The following PRAMEF14 variants were observed in gnomAD, a reference collection of about 807,000 sequenced individuals.
The protein encoded by PRAMEF14 is PRAME family member 14.
Under a neutral mutation model 38.3 loss-of-function variants are expected in PRAMEF14, and 24 were observed. The ratio of observed to expected loss-of-function variants is 0.63; its 90% CI spans 0.45 to 0.88. The LOEUF (loss-of-function observed/expected upper bound fraction) is 0.88, where lower values mean the gene tolerates loss of function less well. Among genes scored for constraint, PRAMEF14 ranks in the 40% least tolerant of loss-of-function variants. The pLI is 0.00. For synonymous variants in PRAMEF14, 194 were observed against 226.4 expected, an observed-to-expected ratio of 0.86 and a Z score of 1.29; for missense variants, 477 against 570.8, an observed-to-expected ratio of 0.84 and a Z score of 1.67.
chr1:13,345,306 G>T lies in PRAMEF14; in HGVS notation c.9C>A (p.Ile3=). Residue 3 remains isoleucine, a synonymous_variant, in exon 2 of 4, where the codon ATC becomes ATA. Coordinates refer to ENST00000334600, the MANE Select transcript of PRAMEF14 (RefSeq NM_001024661.2). ...GCTCCAGGAGTCTGGGTGGGGCCTG[G>T]ATGCTCATCCTGATAGATCTGCAAG... MS[I]QAPPRLLELA... is the part of the protein sequence containing the mutation. 6.2e-7 allele frequency: 1 copy of T among 1,606,502 alleles called. No individual in the cohort carries two copies. The highest frequency in any genetic ancestry group is 8.5e-7 in the Non-Finnish European group (1 of 1,178,170).
chr1:13,344,810 T>C (rs1640380247), intron 2 of PRAMEF14, among the ~76,000 whole-genome samples, 194 bp from the exon 3 acceptor site: 2 of 150,536 alleles, frequency 1.3e-5, no homozygotes, highest in Non-Finnish European at 1.5e-5. Context: ...CCCTTTACCT[T>C]CCACTGAGTA....
At chr1:13,346,247 C>T (rs1285126343) in intron 1 of PRAMEF14, among the ~76,000 whole-genome samples, 5 of 151,286 alleles carry the variant, frequency 3.3e-5, no homozygotes, top group African/African-American at 1.2e-4. Flanking sequence ...GTGGCTCACT[C>T]CTGTAATCCC....
chr1:13,344,577 A>G lies in PRAMEF14; in HGVS notation c.327T>C (p.Asp109=), dbSNP rs1266446566. The change falls in exon 3 of 4, where the codon GAT becomes GAC. Residue 109 remains aspartate (D), a synonymous_variant. Transcript: ENST00000334600. ...CAGGCCATCTGGCCCAGAAATTCTC[A>G]TCAACATCCCGCAAATCCAGCACTT... ...KLQVLDLRDV[D]ENFWARWPGA... 5.1e-4 allele frequency: 817 copies of G among 1,601,002 alleles called. 81 individuals are homozygous for G. In the South Asian group the frequency reaches 8.0e-3, roughly 16 times the overall value.
chr1:13,345,654 G>A (rs1442733565), intron 1 of PRAMEF14, among the ~76,000 whole-genome samples: 5 of 150,646 alleles, frequency 3.3e-5, no homozygotes, highest in Admixed American at 6.6e-5. Flanking sequence ...CGTGCTGGGG[G>A]AACACTAAAG....
Position 13,342,610 on chromosome 1 carries a change from T to C in PRAMEF14, c.1343A>G (p.Lys448Arg). ...GGGGGTGGGACCAATGAAGATCCTC[T>C]TGGGCTGCCTGACTTCCCTCAGTGT... is the stretch of plus-strand genomic sequence containing the variant. ...MCTLREVRQPKRIFIGPTPCP... is the reference protein window; with the variant it reads ...MCTLREVRQPRRIFIGPTPCP... The change falls in exon 4 of 4, where the codon AAG (lysine) becomes AGG (arginine). Residue 448 changes from lysine (K) to arginine (R), a missense_variant. Coordinates refer to ENST00000334600, the MANE Select transcript of PRAMEF14 (RefSeq NM_001024661.2). 2.5e-6 allele frequency: 4 copies of C among 1,604,884 alleles called. No homozygotes were observed. The African/African-American group carries it at 4.0e-5, about 16-fold the overall frequency.
rs949025923 is a variant in PRAMEF14 at position 13,342,292 on chromosome 1, C to T, written c.*236G>A. 1.4e-6 allele frequency: 1 copy of T among 717,526 alleles called. No individual in the cohort carries two copies. The highest frequency in any genetic ancestry group is 2.1e-5 in the South Asian group (1 of 47,924). 44.4% of individuals were successfully genotyped at this position (717,526 alleles called of 1,614,324 possible). A position where few individuals can be genotyped will look rare whatever the true frequency, so the allele number is the denominator to read the frequency against. ...GACACAGTCACTCATGCCAGTAATC[C>T]CAGCACTTTAGGAAGCTGAGGCAGG... On this transcript the variant is annotated 3_prime_UTR_variant, in exon 4 of 4. Transcript: ENST00000334600.
At position 13,342,657 on chromosome 1, in the gene PRAMEF14, T is replaced by G. The variant is rs1281492057; in HGVS notation, c.1296A>C (p.Leu432=). Reference sequence around the variant, plus strand: ...GTGTACACATCAGCTCAGCCCGAAGTAGGGCGAAGATCTCCCAATCGACAC... The same window carrying G: ...GTGTACACATCAGCTCAGCCCGAAGGAGGGCGAAGATCTCCCAATCGACAC... ...LVRVDWEIFA[L]LRAELMCTLR... is the part of the protein sequence containing the mutation. Residue 432 remains leucine, a synonymous_variant, in exon 4 of 4, where the codon CTA becomes CTC. Coordinates refer to ENST00000334600, the MANE Select transcript of PRAMEF14 (RefSeq NM_001024661.2). 2.5e-6 allele frequency: 4 copies of G among 1,605,028 alleles called. No homozygotes were observed. In the African/African-American group the frequency reaches 4.0e-5, roughly 16 times the overall value.
chr1:13,344,384 T>C lies in PRAMEF14; in HGVS notation c.520A>G (p.Arg174Gly). Residue 174 changes from arginine to glycine, a missense_variant, in exon 3 of 4, where the codon AGG becomes GGG. By Grantham distance (125) the Arg-to-Gly change is moderately radical. Transcript: ENST00000334600. ...CAGCACAGGTGTACTAAACCTCTCC[T>C]TTGGTAAACCCACTGAAAGAGGTAT... ...LRYLFQWVYQ[R>G]RGLVHLCCSK... 6.2e-7 allele frequency: 1 copy of C among 1,604,930 alleles called. No homozygotes were observed. The highest frequency in any genetic ancestry group is 1.7e-5 in the Admixed American group (1 of 59,846).
chr1:13,343,596 G>A, intron 3 of PRAMEF14: 1 of 1,313,116 alleles, frequency 7.6e-7, no homozygotes, highest in South Asian at 1.2e-5. Flanking sequence ...TTTACAAACA[G>A]GGAATCAGAG....
In PRAMEF14 at chr1:13,347,105, G is replaced by C. The variant is rs1205795311; in HGVS notation, c.-74C>G. 4.7e-5 allele frequency: 7 copies of C among 149,996 alleles called. No individual in the cohort carries two copies. Among genetic ancestry groups the C allele is most frequent in the Middle Eastern group, 3.4e-3 (1 of 292 alleles). The allele number at this position is 149,996 out of a possible 1,614,324, so 9.3% of individuals were successfully genotyped here. A position where few individuals can be genotyped will look rare whatever the true frequency, so the allele number is the denominator to read the frequency against. On this transcript the variant is annotated 5_prime_UTR_variant, in exon 1 of 4. Transcript: ENST00000334600. Reference sequence around the variant, plus strand: ...GTTCTGGGACCTCTCAGGGAACCAAGCAGTAGCTCCAGGAATGAGTGCTGT... The same window carrying C: ...GTTCTGGGACCTCTCAGGGAACCAACCAGTAGCTCCAGGAATGAGTGCTGT...
rs1162721792 is a variant in PRAMEF14, at chr1:13,344,234, G to T, written c.670C>A (p.Leu224Ile). Residue 224 changes from leucine to isoleucine, a missense_variant, in exon 3 of 4, where the codon CTT becomes ATT. Leu to Ile is a conservative substitution (Grantham distance 5). This residue lies in a region of PRAMEF14 where 234 missense variants were observed against 247.4 expected (regional missense o/e 0.95). Coordinates refer to ENST00000334600, the MANE Select transcript of PRAMEF14 (RefSeq NM_001024661.2). ...NMSWPRLIRK[L>I]RCYLKEMKNL... Reference sequence around the variant, plus strand: ...TTCATCTCCTTCAGGTAACAACGAAGCTTTCTTATCAGACGTGGCCAGGAC... The same window carrying T: ...TTCATCTCCTTCAGGTAACAACGAATCTTTCTTATCAGACGTGGCCAGGAC... 17 of 1,608,514 alleles carry T rather than the reference G, an allele frequency of 1.1e-5. No homozygotes were observed. The African/African-American group carries it at 2.3e-4, about 22-fold the overall frequency.
In PRAMEF14 at chr1:13,344,241, T is replaced by A. The variant is rs1391160566; in HGVS notation, c.663A>T (p.Ile221=). 68 of 1,608,478 alleles carry A rather than the reference T, an allele frequency of 4.2e-5. 2 individuals are homozygous for A. Among genetic ancestry groups the A allele is most frequent in the Middle Eastern group, 1.7e-4 (1 of 6,060 alleles). ...EIRNMSWPRL[I]RKLRCYLKEM... is the part of the protein sequence containing the mutation. Reference sequence around the variant, plus strand: ...CCTTCAGGTAACAACGAAGCTTTCTTATCAGACGTGGCCAGGACATGTTGC... The same window carrying A: ...CCTTCAGGTAACAACGAAGCTTTCTAATCAGACGTGGCCAGGACATGTTGC... Residue 221 remains isoleucine, a synonymous_variant, in exon 3 of 4, where the codon ATA becomes ATT. Transcript: ENST00000334600.
intron 1 of PRAMEF14, 72 bp from the exon 2 acceptor site, chr1:13,345,411 G>A: frequency 7.0e-7 from 1 of 1,419,980 alleles, no homozygotes; most frequent in Non-Finnish European, 9.5e-7. Flanking sequence ...CTGGTACCAG[G>A]AAGAATGTCT....
At chr1:13,345,944 G>A (rs1420261631) in intron 1 of PRAMEF14, among the ~76,000 whole-genome samples, 188 of 150,732 alleles carry the variant, frequency 1.2e-3, no homozygotes, top group African/African-American at 4.4e-3. Flanking sequence ...GTTGGACTCC[G>A]ACTCAAACAA....
Position 13,342,031 on chromosome 1 carries a change from A to G in PRAMEF14, c.*497T>C, listed in dbSNP as rs1640334071. ...TGGATAAATTGCTACAACAGGTTAA[A>G]AGTTTTCATTCAGGTGCTCTTTATT... On this transcript the variant is annotated 3_prime_UTR_variant, in exon 4 of 4. Transcript: ENST00000334600. The G allele has an allele frequency of 1.9e-5, 3 of 160,406 alleles. No individual in the cohort carries two copies. Among genetic ancestry groups the G allele is most frequent in the Admixed American group, 1.7e-4 (3 of 17,672 alleles). The allele number at this position is 160,406 out of a possible 1,614,324, so 9.9% of individuals were successfully genotyped here. A position where few individuals can be genotyped will look rare whatever the true frequency, so the allele number is the denominator to read the frequency against.
At chr1:13,343,171 A>C (rs1177135495) in intron 3 of PRAMEF14, 85 bp from the exon 4 acceptor site, 10 of 916,362 alleles carry the variant, frequency 1.1e-5, no homozygotes, top group Non-Finnish European at 1.6e-5. Context: ...CCTGCGTCAA[A>C]CAAACACAAG....
intron 1 of PRAMEF14, 55 bp from the exon 2 acceptor site, chr1:13,345,394 G>C (rs1197383906): frequency 1.6e-5 from 24 of 1,461,660 alleles, no homozygotes; most frequent in Non-Finnish European, 2.0e-5. Context: ...ACAATCATCT[G>C]CTTCTACTGG....
In PRAMEF14 at chr1:13,344,542, G is replaced by A; in HGVS notation, c.362C>T (p.Ala121Val). Reference sequence around the variant, plus strand: ...CATGGTCTCTGGGAAGCAGGACAGGGCCCAGGCTCCAGGCCATCTGGCCCA... The same window carrying A: ...CATGGTCTCTGGGAAGCAGGACAGGACCCAGGCTCCAGGCCATCTGGCCCA... ...NFWARWPGAW[A>V]LSCFPETMSK... The change falls in exon 3 of 4, where the codon GCC becomes GTC. Residue 121 changes from alanine to valine, a missense_variant. Around this residue, in one of 4 missense-constraint regions of PRAMEF14, gnomAD observed 234 missense variants for 247.4 expected, o/e 0.95. Coordinates refer to ENST00000334600, the MANE Select transcript of PRAMEF14 (RefSeq NM_001024661.2). The A allele has an allele frequency of 6.2e-6, 10 of 1,606,602 alleles. No homozygotes were observed. Among genetic ancestry groups the A allele is most frequent in the South Asian group, 2.2e-5 (2 of 90,634 alleles).
Position 13,344,151 on chromosome 1 carries a change from G to C in PRAMEF14, c.753C>G (p.Leu251=). Residue 251 remains leucine (L), a synonymous_variant, in exon 3 of 4, where the codon CTC becomes CTG. Transcript: ENST00000334600. The part of the protein sequence containing the change: ...RCHHSMSDNE[L]EGRLVTKFSS... ...TGAATTTGGTGACTAACCGTCCTTC[G>C]AGTTCATTATCTGACATGGAATGAT... 1 of 1,606,020 alleles carries C rather than the reference G, an allele frequency of 6.2e-7. No homozygotes were observed.
Sources: allele counts gnomAD v4.1 joint callset (sites outside exome capture counted in the v4.1 genomes callset), GRCh38; gene constraint gnomAD v4.1.1; regional missense constraint gnomAD v4.1.1; transcripts MANE v1.5; gene names NCBI Gene and HGNC (gene_info 2026-07-23, HGNC 2026-07-21).